NAV2: variants seen among roughly 807,000 people sequenced by gnomAD.
NAV2 encodes neuron navigator 2.
NAV2 carries 54 observed loss-of-function variants against 223.2 expected under a neutral mutation model. That is an observed-to-expected ratio of 0.24 (90% CI 0.19 to 0.30). NAV2 has a LOEUF of 0.30. Ranked by LOEUF, NAV2 falls within the 10% of genes least tolerant of loss-of-function variation. The pLI, the probability that NAV2 is intolerant of heterozygous loss-of-function variation, is 1.00. For synonymous variants in NAV2, 1,279 were observed against 1,239.3 expected (o/e 1.03, Z -0.67); for missense variants, 2,806 against 3,147.5 (o/e 0.89, Z 2.60).
At chr11:19,508,991 C>T (rs2043199250) in intron 1 of NAV2, among the ~76,000 whole-genome samples, 2 of 152,160 alleles carry the variant, frequency 1.3e-5, no homozygotes, top group Admixed American at 6.5e-5. Context: ...GAAGGAAGAG[C>T]AGAAAGTAAA....
intron 1 of NAV2, among the ~76,000 whole-genome samples, chr11:19,732,261 GAA>G (rs59674883): frequency 3.7e-5 from 5 of 135,530 alleles, no homozygotes; most frequent in African/African-American, 8.0e-5. Flanking sequence ...TCCGTCTCAA[GAA>G]AAAAAAAAAA....
chr11:19,947,009 A>G (rs966186911), intron 9 of NAV2, among the ~76,000 whole-genome samples: 4 of 152,240 alleles, frequency 2.6e-5, no homozygotes, highest in African/African-American at 9.6e-5. Flanking sequence ...TACATTGGAA[A>G]CATCAGGTGC....
chr11:20,052,855 T>C (rs1450082627), intron 17 of NAV2, among the ~76,000 whole-genome samples: 4 of 152,138 alleles, frequency 2.6e-5, no homozygotes, highest in Admixed American at 1.3e-4. Context: ...AATCCCCCTA[T>C]TGACATAATC....
At chr11:19,986,671 A>G (rs2050823573) in intron 11 of NAV2, among the ~76,000 whole-genome samples, 1 of 152,260 alleles carries the variant, frequency 6.6e-6, no homozygotes, top group African/African-American at 2.4e-5. Flanking sequence ...AAAGTTTTAA[A>G]GAAAGAACTC....
intron 7 of NAV2, among the ~76,000 whole-genome samples, chr11:19,935,863 T>TGG (rs553290951): frequency 1.8e-5 from 2 of 110,170 alleles, no homozygotes; most frequent in African/African-American, 6.5e-5. Context: ...TTTTTTTTTT[T>TGG]TTTTTTTTTT....
At chr11:20,082,425 C>T (rs1321626638) in intron 25 of NAV2, among the ~76,000 whole-genome samples, 2 of 152,138 alleles carry the variant, frequency 1.3e-5, no homozygotes, top group Non-Finnish European at 2.9e-5. Flanking sequence ...GCCCCCAGTG[C>T]TTTTAAAGAT....
At position 19,984,113 on chromosome 11, in the gene NAV2, C is replaced by A. The variant is rs1223050598; in HGVS notation, c.2646-12C>A. 6.2e-7 allele frequency: 1 copy of A among 1,614,108 alleles called. No homozygotes were observed. Among genetic ancestry groups the A allele is most frequent in the Admixed American group, 1.7e-5 (1 of 60,032 alleles). The stretch of plus-strand genomic sequence containing the variant: ...GGACATTCATGTGCATCATCTTCTT[C>A]TCCTTTTAAAGATACATGACTGATG... On this transcript the variant is annotated splice_polypyrimidine_tract_variant and intron_variant, in intron 10 of 37. Coordinates refer to ENST00000349880, the MANE Select transcript of NAV2 (RefSeq NM_145117.5).
chr11:19,958,369 A>T (rs2048060777), intron 10 of NAV2, among the ~76,000 whole-genome samples: 1 of 152,222 alleles, frequency 6.6e-6, no homozygotes, highest in Non-Finnish European at 1.5e-5. Flanking sequence ...TAACGCTGTG[A>T]AGGAAAGATC....
intron 1 of NAV2, among the ~76,000 whole-genome samples, chr11:19,720,731 A>G (rs1391800024): frequency 1.3e-5 from 2 of 152,248 alleles, no homozygotes; most frequent in Non-Finnish European, 2.9e-5. Flanking sequence ...CCAGATATGT[A>G]TCATTCATTT....
chr11:19,676,307 C>T (rs573127237), intron 1 of NAV2, among the ~76,000 whole-genome samples: 3 of 152,264 alleles, frequency 2.0e-5, no homozygotes, highest in Non-Finnish European at 4.4e-5. Context: ...CTCCCACCTT[C>T]CAGCTGTGTG....
chr11:19,716,153 G>A (rs1259040048), intron 1 of NAV2, among the ~76,000 whole-genome samples: 4 of 152,122 alleles, frequency 2.6e-5, no homozygotes, highest in African/African-American at 9.7e-5. Flanking sequence ...ATTATTAGAA[G>A]ATACTCAGGA....
intron 4 of NAV2, among the ~76,000 whole-genome samples, chr11:19,877,488 T>TTCTTTTC: frequency 6.9e-6 from 1 of 144,754 alleles, no homozygotes; most frequent in African/African-American, 2.6e-5. Context: ...TTTTTTTTTT[T>TTCTTTTC]TTGAGACAGA....
At position 19,820,197 on chromosome 11, in the gene NAV2, C is replaced by T. The variant is rs2059300470; in HGVS notation, c.268-12287C>T. On this transcript the variant is annotated intron_variant, in intron 1 of 37. Transcript: ENST00000349880. ...TCACTACCCACTTAGGTGTGGCTGCCCTGTCAGGCAGTGGCACTGATTGAT... is the reference window on the plus strand; with the variant it reads ...TCACTACCCACTTAGGTGTGGCTGCTCTGTCAGGCAGTGGCACTGATTGAT... Among the ~76,000 whole-genome samples, 3 of 152,204 alleles carry T rather than the reference C, an allele frequency of 2.0e-5. No homozygotes were observed. The South Asian group carries it at 6.2e-4, about 32-fold the overall frequency.
In NAV2 at chr11:20,085,195, T is replaced by TAA. The variant is rs5790106; in HGVS notation, c.5498+2030_5498+2031dup. ...GACAGAGTAAGGCCATGTCTCTATT[T>TAA]AAAAAAAAAAAAAAAGTTAAACAGA... On this transcript the variant is annotated intron_variant, in intron 26 of 37. Coordinates refer to ENST00000349880, the MANE Select transcript of NAV2 (RefSeq NM_145117.5). Among the ~76,000 whole-genome samples, 147 of 144,294 alleles carry TAA rather than the reference T, an allele frequency of 1.0e-3. 1 individual carries two copies. In the Middle Eastern group the frequency reaches 0.01, roughly 10 times the overall value. The allele number at this position is 144,294 out of a possible 152,430, so 94.7% of individuals were successfully genotyped here.
At chr11:20,043,707 A>G (rs543661438) in intron 12 of NAV2, 5 of 335,022 alleles carry the variant, frequency 1.5e-5, no homozygotes, top group East Asian at 1.1e-4. Context: ...CTCCTAAAAT[A>G]TTAGGATTAT....
chr11:20,078,715 C>G (rs73429366), intron 24 of NAV2, among the ~76,000 whole-genome samples: 2,854 of 152,310 alleles, frequency 0.019, 91 homozygotes, highest in African/African-American at 0.066. Flanking sequence ...ACCTCGGCCT[C>G]CGAAAGTGCT....
chr11:19,946,837 A>G (rs1189946464), intron 9 of NAV2, among the ~76,000 whole-genome samples: 1 of 152,186 alleles, frequency 6.6e-6, no homozygotes, highest in Non-Finnish European at 1.5e-5. Flanking sequence ...ACTATATTTG[A>G]CCTGTGTGAT....
At chr11:19,747,648 C>T (rs1253016442) in intron 1 of NAV2, among the ~76,000 whole-genome samples, 1 of 152,192 alleles carries the variant, frequency 6.6e-6, no homozygotes, top group Admixed American at 6.5e-5. Flanking sequence ...GCAGGGGAGG[C>T]AAATCTGCTT....
At chr11:19,441,444 A>ACACT in intron 1 of NAV2, among the ~76,000 whole-genome samples, 1 of 136,422 alleles carries the variant, frequency 7.3e-6, no homozygotes, top group African/African-American at 3.1e-5. Context: ...ACACACACAC[A>ACACT]CACGCACACA....
Sources: gnomAD v4.1 joint callset for allele counts (sites outside exome capture counted in the v4.1 genomes callset) on GRCh38, gnomAD v4.1.1 for gene constraint, MANE v1.5 for transcripts, NCBI Gene and HGNC (gene_info 2026-07-23, HGNC 2026-07-21) for gene names.